G3BP2: variants seen among roughly 807,000 people sequenced by gnomAD.
G3BP2 encodes the protein G3BP stress granule assembly factor 2.
In G3BP2, 11 loss-of-function variants were observed where a neutral mutation model predicts 56.7. That is an observed-to-expected ratio of 0.19 (90% CI 0.12 to 0.32). The LOEUF is 0.32. Ranked by LOEUF, G3BP2 falls within the 10% of genes least tolerant of loss-of-function variation. The probability of loss-of-function intolerance (pLI) is 1.00; values close to 1 mark genes in which losing one functional copy is unlikely to be tolerated. For missense variants in G3BP2, 340 were observed against 610.9 expected (o/e 0.56, Z 4.67); for synonymous variants, 165 against 191.6 (o/e 0.86, Z 1.15).
chr4:75,697,467 C>T (rs1181555309), intron 3 of G3BP2, among the ~76,000 whole-genome samples: 3 of 151,878 alleles, frequency 2.0e-5, no homozygotes, highest in Admixed American at 1.3e-4. Flanking sequence ...AGATTTAATA[C>T]ACTATTCGAC....
intron 3 of G3BP2, among the ~76,000 whole-genome samples, chr4:75,702,900 C>T (rs1560420082): frequency 6.6e-6 from 1 of 152,208 alleles, no homozygotes; most frequent in Non-Finnish European, 1.5e-5. Flanking sequence ...GCCCAGGGAA[C>T]AGCTTTGGAG....
intron 1 of G3BP2, among the ~76,000 whole-genome samples, chr4:75,671,680 G>T (rs1470243178): frequency 1.3e-5 from 2 of 151,996 alleles, no homozygotes; most frequent in Non-Finnish European, 2.9e-5. Flanking sequence ...ACAATTCCTT[G>T]ACTGCTTTTC....
In G3BP2 at chr4:75,655,868, A is replaced by G. The variant is rs773718595; in HGVS notation, c.445T>C (p.Ser149Pro). ...TGTTCCTCTTCTACTTCATCTTCTG[A>G]TTCTGAAAATACATAATACAGCACA... The part of the protein sequence containing the change: ...GDSEPELDEE[S>P]EDEVEEEQEE... Residue 149 changes from serine to proline, a missense_variant and splice_region_variant, in exon 6 of 12, where the codon TCA (serine) becomes CCA (proline). Around this residue, in one of 4 missense-constraint regions of G3BP2, gnomAD observed 224 missense variants for 332.5 expected, o/e 0.67. Coordinates refer to ENST00000359707, the MANE Select transcript of G3BP2 (RefSeq NM_203505.3). 6.9e-7 allele frequency: 1 copy of G among 1,456,446 alleles called. No homozygotes were observed. Among genetic ancestry groups the G allele is most frequent in the South Asian group, 1.1e-5 (1 of 87,814 alleles). The allele number at this position is 1,456,446 out of a possible 1,614,324, so 90.2% of individuals were successfully genotyped here.
intron 1 of G3BP2, 194 bp downstream of exon 1, chr4:75,673,014 C>T (rs2149048941): frequency 1.0e-6 from 1 of 988,700 alleles, no homozygotes; most frequent in Admixed American, 6.1e-5. Context: ...CCTCCCACCC[C>T]TCACCTAGAG....
At chr4:75,705,246 A>T (rs535264888) in intron 3 of G3BP2, among the ~76,000 whole-genome samples, 21 of 152,282 alleles carry the variant, frequency 1.4e-4, no homozygotes, top group Admixed American at 2.6e-4. Context: ...TTCCTCAGAG[A>T]TGCAGATAGC....
chr4:75,673,206 A>AC lies in G3BP2; in HGVS notation c.-25+1dup. On this transcript the variant is annotated splice_donor_variant, in intron 1 of 11. Coordinates refer to ENST00000359707, the MANE Select transcript of G3BP2 (RefSeq NM_203505.3). LOFTEE classifies it low-confidence loss of function (5UTR_SPLICE). ...ACCTCCCCTCCCGGCGCCCGTACAC[A>AC]CCTCCAGCCAACGGCGGCGGCGGGT... is the stretch of plus-strand genomic sequence containing the variant. 1 of 1,205,804 alleles carries AC rather than the reference A, an allele frequency of 8.3e-7. No individual in the cohort carries two copies. Among genetic ancestry groups the AC allele is most frequent in the Non-Finnish European group, 1.0e-6 (1 of 971,618 alleles). The allele number at this position is 1,205,804 out of a possible 1,614,324, so 74.7% of individuals were successfully genotyped here.
chr4:75,647,099 A>C lies in G3BP2; in HGVS notation c.987T>G (p.Asp329Glu). 6.3e-7 allele frequency: 1 copy of C among 1,596,904 alleles called. No individual in the cohort carries two copies. Among genetic ancestry groups the C allele is most frequent in the African/African-American group, 1.3e-5 (1 of 74,716 alleles). The change falls in exon 10 of 12, where the codon GAT becomes GAG. Residue 329 changes from aspartate (D) to glutamate (E), a missense_variant. This residue lies in a region of G3BP2 where 224 missense variants were observed against 332.5 expected (regional missense o/e 0.67). Coordinates refer to ENST00000359707, the MANE Select transcript of G3BP2 (RefSeq NM_203505.3). ...AGTTACCAACAAAAAGTTGATGACT[A>C]TCTGGATAGCGAATTATTCTACGGT... ...SDNRRIIRYP[D>E]SHQLFVGNLP...
chr4:75,685,010 A>G (rs571806312), intron 3 of G3BP2, among the ~76,000 whole-genome samples: 5 of 152,136 alleles, frequency 3.3e-5, no homozygotes, highest in Non-Finnish European at 7.4e-5. Context: ...TCAGTTTGTC[A>G]TAACTGTGAG....
chr4:75,717,214 G>A (rs976139778), intron 3 of G3BP2, among the ~76,000 whole-genome samples: 7 of 152,082 alleles, frequency 4.6e-5, no homozygotes, highest in African/African-American at 1.4e-4. Flanking sequence ...AGGTTGAGGC[G>A]GGTGGGTCTC....
At chr4:75,689,345 C>T (rs1163822087) in intron 3 of G3BP2, among the ~76,000 whole-genome samples, 1 of 150,952 alleles carries the variant, frequency 6.6e-6, no homozygotes, top group Non-Finnish European at 1.5e-5. Context: ...CACTGCACTC[C>T]AGCCTGGCAG....
At chr4:75,673,540 C>T (rs1041999409), upstream of G3BP2, 26 of 1,232,078 alleles carry the variant, frequency 2.1e-5, no homozygotes, top group Admixed American at 4.2e-5. Context: ...CCGTGTCCCT[C>T]TGCGGAGCAC....
intron 3 of G3BP2, among the ~76,000 whole-genome samples, chr4:75,702,193 T>TTTG (rs10692270): frequency 7.1e-6 from 1 of 141,178 alleles, no homozygotes; most frequent in Non-Finnish European, 1.5e-5. Context: ...TTTTTTTTTT[T>TTTG]GAGACAGGGT....
At chr4:75,657,379 T>C (rs940193973) in intron 4 of G3BP2, among the ~76,000 whole-genome samples, 178 bp downstream of exon 4, 1 of 152,124 alleles carries the variant, frequency 6.6e-6, no homozygotes, top group Non-Finnish European at 1.5e-5. Context: ...CAGTATTTGA[T>C]TTTTAATTCC....
intron 1 of G3BP2, among the ~76,000 whole-genome samples, chr4:75,663,813 C>T (rs1257666580): frequency 5.6e-4 from 2 of 3,586 alleles, no homozygotes; most frequent in South Asian, 7.9e-3. Flanking sequence ...GAACCAAGAT[C>T]GCGCCAGTGC....
At chr4:75,647,827 AAATGTGATAT>A (rs1398694713) in intron 9 of G3BP2, among the ~76,000 whole-genome samples, 2 of 152,218 alleles carry the variant, frequency 1.3e-5, no homozygotes, top group Non-Finnish European at 2.9e-5. Context: ...TTCACATTGT[AAATGTGATAT>A]ATACTATCTC....
At chr4:75,701,997 C>T (rs1428477319) in intron 3 of G3BP2, among the ~76,000 whole-genome samples, 1 of 152,072 alleles carries the variant, frequency 6.6e-6, no homozygotes, top group Non-Finnish European at 1.5e-5. Flanking sequence ...CTGGGAGCAA[C>T]CAGGGAAGAC....
In G3BP2 at chr4:75,661,989, G is replaced by A; in HGVS notation, c.37C>T (p.Arg13Trp). Residue 13 changes from arginine (R) to tryptophan (W), a missense_variant, in exon 2 of 12, where the codon CGG becomes TGG. Transcript: ENST00000359707. ...MEKPSPLLVG[R>W]EFVRQYYTLL... is the part of the protein sequence containing the mutation. Reference sequence around the variant, plus strand: ...GTATAATATTGCCTCACAAACTCCCGCCCTACAAGCAGCGGACTGGGCTTC... The same window carrying A: ...GTATAATATTGCCTCACAAACTCCCACCCTACAAGCAGCGGACTGGGCTTC... The A allele has an allele frequency of 6.2e-7, 1 of 1,611,416 alleles. No individual in the cohort carries two copies. Among genetic ancestry groups the A allele is most frequent in the Non-Finnish European group, 8.5e-7 (1 of 1,177,818 alleles).
At chr4:75,665,353 C>G (rs1176440847) in intron 1 of G3BP2, among the ~76,000 whole-genome samples, 3 of 152,172 alleles carry the variant, frequency 2.0e-5, no homozygotes, top group African/African-American at 7.2e-5. Context: ...AGAGCAGATC[C>G]AAATACTGCC....
At chr4:75,668,925 GTCTTCA>G (rs775232144) in intron 1 of G3BP2, among the ~76,000 whole-genome samples, 45 of 152,060 alleles carry the variant, frequency 3.0e-4, no homozygotes, top group Non-Finnish European at 5.1e-4. Context: ...CTGTACACCT[GTCTTCA>G]TCTTCTATTC....
Sources: gnomAD v4.1 joint callset for allele counts (sites outside exome capture counted in the v4.1 genomes callset) on GRCh38, gnomAD v4.1.1 for gene constraint, gnomAD v4.1.1 regional missense constraint, MANE v1.5 for transcripts, NCBI Gene and HGNC (gene_info 2026-07-23, HGNC 2026-07-21) for gene names.